Variants in ATCAY observed in about 807,000 individuals in gnomAD.
ATCAY encodes the protein caytaxin.
In ATCAY, 22 loss-of-function variants were observed where a neutral mutation model predicts 47.7. The ratio of observed to expected loss-of-function variants is 0.46; its 90% CI spans 0.33 to 0.66. ATCAY has a LOEUF of 0.66. Among genes scored for constraint, ATCAY ranks in the 30% least tolerant of loss-of-function variants. The pLI is 0.02. For synonymous variants in ATCAY, 216 were observed against 207.6 expected (o/e 1.04, Z -0.35); for missense variants, 452 against 515.0 (o/e 0.88, Z 1.18).
At chr19:3,894,730 C>T (rs543773556) in intron 2 of ATCAY, among the ~76,000 whole-genome samples, 1 of 151,416 alleles carries the variant, frequency 6.6e-6, no homozygotes, top group African/African-American at 2.4e-5. Flanking sequence ...AGGAGAATTG[C>T]TTGAAATGTG....
At chr19:3,887,808 AG>A (rs1010409049) in intron 2 of ATCAY, among the ~76,000 whole-genome samples, 16 of 145,784 alleles carry the variant, frequency 1.1e-4, no homozygotes, top group Non-Finnish European at 1.8e-4. Context: ...TTAAAAAGAG[AG>A]GAAAAAAAAA....
At chr19:3,894,420 C>T (rs1368662506) in intron 2 of ATCAY, among the ~76,000 whole-genome samples, 1 of 147,500 alleles carries the variant, frequency 6.8e-6, no homozygotes, top group Non-Finnish European at 1.5e-5. Context: ...GGAGGCGGAG[C>T]TTGCAGTGAC....
chr19:3,915,715 T>C (rs2038961018), intron 9 of ATCAY, among the ~76,000 whole-genome samples: 1 of 113,784 alleles, frequency 8.8e-6, no homozygotes, highest in Non-Finnish European at 1.7e-5. Context: ...CATGCCCAGC[T>C]AATTTTTTTT....
At chr19:3,918,694 G>C in intron 10 of ATCAY, 112 bp from the exon 11 acceptor site, 1 of 1,116,910 alleles carries the variant, frequency 9.0e-7, no homozygotes, top group Non-Finnish European at 1.3e-6. Context: ...CACTGGTTTG[G>C]AAAACAGGTC....
chr19:3,905,640 G>A lies in ATCAY; in HGVS notation c.343G>A (p.Glu115Lys), dbSNP rs763099910. 14 of 1,613,354 alleles carry A rather than the reference G, an allele frequency of 8.7e-6. No individual in the cohort carries two copies. The highest frequency in any genetic ancestry group is 4.5e-5 in the East Asian group (2 of 44,844). ...GCTGGAGTTCCTGGGGAATGGCAAC[G>A]AACTGGAGTGGGAAGGTAAAGTTCA... ...DSLEFLGNGN[E>K]LEWEDDTPVA... The change falls in exon 4 of 13, where the codon GAA becomes AAA. Residue 115 changes from glutamate (E) to lysine (K), a missense_variant. By Grantham distance (56) the Glu-to-Lys change is moderately conservative. Coordinates refer to ENST00000450849, the MANE Select transcript of ATCAY (RefSeq NM_033064.5).
chr19:3,921,020 C>T (rs536493800), intron 12 of ATCAY, among the ~76,000 whole-genome samples: 2 of 152,192 alleles, frequency 1.3e-5, no homozygotes, highest in East Asian at 1.9e-4. Context: ...CCAGTCAGGC[C>T]GTCCTTGCAC....
intron 2 of ATCAY, among the ~76,000 whole-genome samples, chr19:3,902,038 T>C (rs2038820222): frequency 6.6e-6 from 1 of 151,112 alleles, no homozygotes; most frequent in South Asian, 2.1e-4. Context: ...AACATGCGCT[T>C]GTGGTGGCTC....
chr19:3,922,080 A>G (rs2039025842), intron 12 of ATCAY: 3 of 691,954 alleles, frequency 4.3e-6, no homozygotes, highest in Non-Finnish European at 7.9e-6. Context: ...AGAGAAGCTG[A>G]CCCAAGCCTT....
intron 4 of ATCAY, among the ~76,000 whole-genome samples, chr19:3,906,840 AAGAC>A (rs1189614218): frequency 6.6e-6 from 1 of 152,038 alleles, no homozygotes; most frequent in Middle Eastern, 3.2e-3. Flanking sequence ...GATCATCAGA[AAGAC>A]AGACCACGAA....
chr19:3,905,549 C>G lies in ATCAY; in HGVS notation c.252C>G (p.Phe84Leu), dbSNP rs1348090538. 1.2e-6 allele frequency: 2 copies of G among 1,613,794 alleles called. No individual in the cohort carries two copies. The highest frequency in any genetic ancestry group is 1.7e-6 in the Non-Finnish European group (2 of 1,179,888). The change falls in exon 4 of 13, where the codon TTC (phenylalanine) becomes TTG (leucine). Residue 84 changes from phenylalanine to leucine, a missense_variant. Physicochemically the swap from Phe to Leu is conservative, Grantham distance 22. Coordinates refer to ENST00000450849, the MANE Select transcript of ATCAY (RefSeq NM_033064.5). ...AGGGGTCCCTGCTGTCCGATGACTT[C>G]TTGGATACCCCTGATGACCTGGATA... ...QSEGSLLSDD[F>L]LDTPDDLDIN...
intron 2 of ATCAY, among the ~76,000 whole-genome samples, chr19:3,901,601 C>T (rs1395818980): frequency 6.6e-6 from 1 of 152,162 alleles, no homozygotes; most frequent in Non-Finnish European, 1.5e-5. Flanking sequence ...CCTTCATTCT[C>T]CTCAAGCCGT....
chr19:3,888,795 G>A (rs939141373), intron 2 of ATCAY, among the ~76,000 whole-genome samples: 2 of 152,100 alleles, frequency 1.3e-5, no homozygotes, highest in Non-Finnish European at 2.9e-5. Flanking sequence ...GGCTGGTGTG[G>A]GAGGCCGAGA....
intron 9 of ATCAY, among the ~76,000 whole-genome samples, chr19:3,915,737 T>TTTTTG (rs2038961394): frequency 7.7e-6 from 1 of 130,516 alleles, no homozygotes; most frequent in African/African-American, 3.1e-5. Flanking sequence ...TTTTTTTTTT[T>TTTTTG]GAGATGGAGT....
intron 2 of ATCAY, among the ~76,000 whole-genome samples, chr19:3,891,241 A>G (rs1009671462): frequency 3.3e-5 from 5 of 151,724 alleles, no homozygotes; most frequent in Admixed American, 1.3e-4. Context: ...CGTTAGAGAC[A>G]GGGTTTCACC....
In ATCAY at chr19:3,900,895, CTTTTTTTTTTTT is replaced by C. The variant is rs59395284; in HGVS notation, c.78-1579_78-1568del. On this transcript the variant is annotated intron_variant, in intron 2 of 12. Transcript: ENST00000450849. Reference sequence around the variant, plus strand: ...CAGCCTACACAGAGTTATCCTTCATCTTTTTTTTTTTTTTTTTTTTTTTTGAGACAGAGTCTT... The same window carrying C: ...CAGCCTACACAGAGTTATCCTTCATCTTTTTTTTTTTTGAGACAGAGTCTT... Among the ~76,000 whole-genome samples the C allele has an allele frequency of 1.6e-4, 15 of 92,250 alleles. 1 individual carries two copies. The South Asian group carries it at 3.5e-3, about 22-fold the overall frequency. 60.5% of individuals were successfully genotyped at this position (92,250 alleles called of 152,430 possible).
chr19:3,908,271 A>G lies in ATCAY; in HGVS notation c.548A>G (p.Tyr183Cys). Residue 183 changes from tyrosine (Y) to cysteine (C), a missense_variant, in exon 6 of 13, where the codon TAC (tyrosine) becomes TGC (cysteine). Physicochemically the swap from Tyr to Cys is radical, Grantham distance 194. Transcript: ENST00000450849. ...CCGATCGGCTGCCTCTCCTCAGGGT[A>G]CTACGGCGAAGGCCTCAACGCCATC... ...PYMKVVTHGG[Y>C]YGEGLNAIIV... 1.9e-6 allele frequency: 3 copies of G among 1,573,730 alleles called. No homozygotes were observed. The highest frequency in any genetic ancestry group is 2.6e-6 in the Non-Finnish European group (3 of 1,159,564).
intron 2 of ATCAY, among the ~76,000 whole-genome samples, chr19:3,895,937 G>A (rs1032281777): frequency 7.9e-5 from 12 of 151,614 alleles, no homozygotes; most frequent in Non-Finnish European, 1.6e-4. Context: ...GGCTAGTCTC[G>A]AACTCCTAGT....
chr19:3,916,049 C>G (rs1432372880), intron 9 of ATCAY, among the ~76,000 whole-genome samples: 1 of 152,094 alleles, frequency 6.6e-6, no homozygotes, highest in Non-Finnish European at 1.5e-5. Flanking sequence ...ACACTCACTC[C>G]CCATTCCACA....
intron 2 of ATCAY, among the ~76,000 whole-genome samples, chr19:3,894,673 G>A (rs1337716093): frequency 1.3e-5 from 2 of 150,000 alleles, no homozygotes; most frequent in African/African-American, 4.9e-5. Context: ...AATTAACCAG[G>A]TGTGGCAGCT....
Sources: allele counts gnomAD v4.1 joint callset (sites outside exome capture counted in the v4.1 genomes callset), GRCh38; gene constraint gnomAD v4.1.1; transcripts MANE v1.5; gene names NCBI Gene and HGNC (gene_info 2026-07-23, HGNC 2026-07-21).